Variants in KATNAL2 observed in about 807,000 individuals in gnomAD.
The protein encoded by KATNAL2 is katanin p60 ATPase-containing subunit A-like 2.
Under a neutral mutation model 76.3 loss-of-function variants are expected in KATNAL2, and 52 were observed. The observed-to-expected ratio is 0.68, with a 90% CI of 0.55 to 0.86. The LOEUF is 0.86. KATNAL2 is among the 40% of genes least tolerant of loss of function. The pLI is 0.00. For synonymous variants in KATNAL2, 243 were observed against 244.2 expected (o/e 1.00, Z 0.05); for missense variants, 660 against 668.9 (o/e 0.99, Z 0.15).
chr18:46,919,954 T>C, intron 1 of KATNAL2: 3 of 678,472 alleles, frequency 4.4e-6, no homozygotes, highest in Non-Finnish European at 6.9e-6. Flanking sequence ...AATAGACGAA[T>C]AGAGTACAAT....
chr18:47,099,480 A>C (rs926143754), intron 16 of KATNAL2, 75 bp downstream of exon 16: 8 of 1,384,784 alleles, frequency 5.8e-6, no homozygotes, highest in Admixed American at 2.5e-5. Flanking sequence ...AGGTCTTACC[A>C]TGAGCTGATA....
At chr18:47,092,611 A>AT (rs1371876362) in intron 15 of KATNAL2, among the ~76,000 whole-genome samples, 1 of 152,110 alleles carries the variant, frequency 6.6e-6, no homozygotes. Context: ...CTCTTGATAC[A>AT]TTGAGACATT....
chr18:47,035,248 G>A (rs61738602), intron 3 of KATNAL2: 2 of 1,612,744 alleles, frequency 1.2e-6, no homozygotes, highest in Non-Finnish European at 1.7e-6. Flanking sequence ...GTGCAGCGTA[G>A]TGGACCCTGC....
chr18:47,052,646 C>T (rs980612784), intron 4 of KATNAL2, among the ~76,000 whole-genome samples: 1 of 152,118 alleles, frequency 6.6e-6, no homozygotes, highest in African/African-American at 2.4e-5. Flanking sequence ...GGTGACATCA[C>T]CAGAATAAGT....
At chr18:47,081,035 T>TCCCTCTTTCCTTCCTTCCCTC (rs2062489246) in intron 15 of KATNAL2, among the ~76,000 whole-genome samples, 1 of 145,234 alleles carries the variant, frequency 6.9e-6, no homozygotes, top group African/African-American at 2.5e-5. Flanking sequence ...TTCCTTCCCT[T>TCCCTCTTTCCTTCCTTCCCTC]CCCTCTTTCC....
rs568198169 is a variant in KATNAL2 at position 47,052,882 on chromosome 18, A to G, written c.125A>G (p.Tyr42Cys). 2.5e-6 allele frequency: 4 copies of G among 1,597,124 alleles called. No homozygotes were observed. The highest frequency in any genetic ancestry group is 1.7e-4 in the Middle Eastern group (1 of 5,992). Residue 42 changes from tyrosine (Y) to cysteine (C), a missense_variant and splice_region_variant, in exon 5 of 18, where the codon TAT (tyrosine) becomes TGT (cysteine). Coordinates refer to ENST00000683218, the MANE Select transcript of KATNAL2 (RefSeq NM_001387690.1). The part of the protein sequence containing the change: ...LISHYLTQEG[Y>C]IDTANALEQE... ...TTTTTATTCTGTGAAACTGCCAGGT[A>G]TATCGATACAGCAAATGCTTTGGAG...
chr18:46,943,657 C>T (rs2059308979), intron 1 of KATNAL2, among the ~76,000 whole-genome samples: 1 of 152,248 alleles, frequency 6.6e-6, no homozygotes, highest in Admixed American at 6.5e-5. Context: ...GCCATCAGGG[C>T]TGCCCTGCCT....
chr18:47,064,020 G>A (rs1255011067), intron 10 of KATNAL2, among the ~76,000 whole-genome samples: 1 of 152,144 alleles, frequency 6.6e-6, no homozygotes, highest in Non-Finnish European at 1.5e-5. Context: ...AACCTAGGCA[G>A]GCTCAGAGGG....
At chr18:47,035,224 A>G (rs1215564684) in intron 3 of KATNAL2, 1 of 1,612,728 alleles carries the variant, frequency 6.2e-7, no homozygotes, top group Non-Finnish European at 8.5e-7. Context: ...ACGCACCTGC[A>G]GCTTCTCCAC....
At chr18:46,934,586 C>T (rs1054230904) in intron 1 of KATNAL2, among the ~76,000 whole-genome samples, 1 of 152,138 alleles carries the variant, frequency 6.6e-6, no homozygotes, top group Non-Finnish European at 1.5e-5. Context: ...AATTTTCTCC[C>T]ATTCTGTAGG....
At chr18:47,079,047 AACCC>A (rs564874172) in intron 15 of KATNAL2, among the ~76,000 whole-genome samples, 55 of 152,312 alleles carry the variant, frequency 3.6e-4, no homozygotes, top group Non-Finnish European at 7.5e-4. Flanking sequence ...AAGCAGAATG[AACCC>A]ACCATCTCCC....
Position 47,099,314 on chromosome 18 carries a change from G to C in KATNAL2, c.1283G>C (p.Arg428Thr). ...GTCGATCTCCCCAGCCGGGAGGCCA[G>C]GCAGGCCATGATCTACCACTGGCTG... is the stretch of plus-strand genomic sequence containing the variant. ...ILVDLPSREA[R>T]QAMIYHWLPP... Residue 428 changes from arginine (R) to threonine (T), a missense_variant, in exon 16 of 18, where the codon AGG becomes ACG. Transcript: ENST00000683218. The C allele has an allele frequency of 6.2e-7, 1 of 1,614,198 alleles. No homozygotes were observed. Among genetic ancestry groups the C allele is most frequent in the Middle Eastern group, 1.6e-4 (1 of 6,062 alleles).
chr18:47,035,237 C>T (rs2060712688), intron 3 of KATNAL2: 2 of 1,612,804 alleles, frequency 1.2e-6, no homozygotes, highest in Middle Eastern at 2.0e-4. Context: ...TTCTCCACTG[C>T]GTGCAGCGTA....
intron 11 of KATNAL2, among the ~76,000 whole-genome samples, chr18:47,067,928 G>T (rs1197145128): frequency 6.6e-6 from 1 of 152,188 alleles, no homozygotes; most frequent in Admixed American, 6.5e-5. Context: ...GACTGAAAAG[G>T]CTGGGACAAG....
chr18:46,948,766 A>G (rs1455309193), intron 3 of KATNAL2, among the ~76,000 whole-genome samples: 1 of 151,920 alleles, frequency 6.6e-6, no homozygotes, highest in East Asian at 1.9e-4. Context: ...AACTCCCCCA[A>G]CCTACCTCAA....
intron 16 of KATNAL2, 21 bp from the exon 17 acceptor site, chr18:47,100,233 C>G: frequency 6.3e-7 from 1 of 1,588,450 alleles, no homozygotes; most frequent in Non-Finnish European, 8.6e-7. Context: ...TGACCAATGG[C>G]TGGTTTTTTG....
chr18:47,058,380 A>G, intron 7 of KATNAL2, 28 bp downstream of exon 7: 1 of 1,305,644 alleles, frequency 7.7e-7, no homozygotes, highest in South Asian at 1.2e-5. Context: ...TGACTTTGTG[A>G]ACAGCACACT....
chr18:46,937,718 A>G (rs1023044024), intron 1 of KATNAL2, among the ~76,000 whole-genome samples: 4 of 152,216 alleles, frequency 2.6e-5, no homozygotes, highest in Non-Finnish European at 2.9e-5. Context: ...GTACAAGGAT[A>G]TTTATTGCAT....
chr18:47,033,046 G>T (rs750823099), intron 3 of KATNAL2: 4 of 1,614,144 alleles, frequency 2.5e-6, no homozygotes, highest in Non-Finnish European at 3.4e-6. Context: ...AATTGCCTTG[G>T]CCATCAGCGG....
Sources: gnomAD v4.1 joint callset for allele counts (sites outside exome capture counted in the v4.1 genomes callset) on GRCh38, gnomAD v4.1.1 for gene constraint, MANE v1.5 for transcripts, NCBI Gene and HGNC (gene_info 2026-07-23, HGNC 2026-07-21) for gene names.